CNGB3: variants seen among roughly 807,000 people sequenced by gnomAD.
The protein encoded by CNGB3 is cyclic nucleotide gated channel subunit beta 3.
Under a neutral mutation model 92.8 loss-of-function variants are expected in CNGB3, and 86 were observed. That is an observed-to-expected ratio of 0.93 (90% confidence interval 0.78 to 1.11). CNGB3 has a LOEUF of 1.11. Among genes scored for constraint, CNGB3 ranks in the 50% least tolerant of loss-of-function variants. The pLI, the probability that CNGB3 is intolerant of heterozygous loss-of-function variation, is 0.00. For missense variants in CNGB3, 1,026 were observed against 956.8 expected (o/e 1.07, Z -0.95); for synonymous variants, 333 against 332.7 (o/e 1.00, Z -0.01).
intron 3 of CNGB3, among the ~76,000 whole-genome samples, chr8:86,683,353 G>A (rs1171189847): frequency 6.6e-6 from 1 of 152,044 alleles, no homozygotes; most frequent in Non-Finnish European, 1.5e-5. Flanking sequence ...TATCCAAGCA[G>A]GTGGCTGGGT....
rs1161412336 is a variant in CNGB3, at chr8:86,676,936, C to T, written c.339-5838G>A. Among the ~76,000 whole-genome samples the T allele has an allele frequency of 3.3e-5, 5 of 152,096 alleles. No homozygotes were observed. In the East Asian group the frequency reaches 9.6e-4, roughly 29 times the overall value. ...TTTACATATAGTTAATTTATGTCTG[C>T]CGAGTCTCTCAGGTACACTGATGAT... On this transcript the variant is annotated intron_variant, in intron 3 of 17. Coordinates refer to ENST00000320005, the MANE Select transcript of CNGB3 (RefSeq NM_019098.5).
rs529197973 is a variant in CNGB3, at chr8:86,655,446, G to A, written c.853-1384C>T. Among the ~76,000 whole-genome samples the A allele has an allele frequency of 1.2e-4, 18 of 152,276 alleles. No homozygotes were observed. The Middle Eastern group carries it at 0.01, about 86-fold the overall frequency. ...CTCTGTTCAGCATTTCCTCAAATGC[G>A]TCAGAGGGATGCCTTTGCCCATGCT... On this transcript the variant is annotated intron_variant, in intron 6 of 17. Coordinates refer to ENST00000320005, the MANE Select transcript of CNGB3 (RefSeq NM_019098.5).
intron 15 of CNGB3, among the ~76,000 whole-genome samples, chr8:86,592,728 A>G (rs369929435): frequency 1.3e-5 from 2 of 152,228 alleles, no homozygotes; most frequent in East Asian, 1.9e-4. Flanking sequence ...TCTACATGCT[A>G]TCAATGGAAA....
At chr8:86,658,827 A>G (rs1011043165) in intron 6 of CNGB3, 2 of 605,098 alleles carry the variant, frequency 3.3e-6, no homozygotes, top group Admixed American at 2.4e-5. Context: ...TGCATGACTG[A>G]TGGTGGTGAG....
intron 13 of CNGB3, among the ~76,000 whole-genome samples, chr8:86,613,410 T>C (rs1822557011): frequency 1.3e-5 from 2 of 152,224 alleles, no homozygotes; most frequent in African/African-American, 4.8e-5. Flanking sequence ...AAATTGGTAT[T>C]CTGATTCATT....
chr8:86,628,633 C>G (rs1369669846), intron 12 of CNGB3, among the ~76,000 whole-genome samples: 1 of 152,024 alleles, frequency 6.6e-6, no homozygotes, highest in Non-Finnish European at 1.5e-5. Context: ...CTAATTTTCC[C>G]ACTTCCTTTT....
chr8:86,727,216 G>C (rs7000661), intron 2 of CNGB3, among the ~76,000 whole-genome samples: 13,796 of 152,128 alleles, frequency 0.091, 1,323 homozygotes, highest in African/African-American at 0.25. Context: ...TGAAGTTGGT[G>C]TATTATGTAA....
At chr8:86,737,006 T>G (rs1045463035) in intron 2 of CNGB3, among the ~76,000 whole-genome samples, 2 of 152,174 alleles carry the variant, frequency 1.3e-5, no homozygotes, top group Non-Finnish European at 2.9e-5. Context: ...ACACTTGCTT[T>G]TTTTTCCCCC....
chr8:86,732,294 C>A (rs1460367443), intron 2 of CNGB3, among the ~76,000 whole-genome samples: 1 of 152,258 alleles, frequency 6.6e-6, no homozygotes, highest in Non-Finnish European at 1.5e-5. Flanking sequence ...ATGCTGGGCA[C>A]CTAATCTCAA....
intron 6 of CNGB3, among the ~76,000 whole-genome samples, chr8:86,666,460 A>G (rs1253621705): frequency 1.3e-5 from 2 of 152,198 alleles, no homozygotes; most frequent in African/African-American, 4.8e-5. Context: ...GGCTTTGAGC[A>G]AATAACCTCC....
intron 1 of CNGB3, among the ~76,000 whole-genome samples, chr8:86,741,962 A>G (rs1825351237): frequency 6.6e-6 from 1 of 152,188 alleles, no homozygotes; most frequent in Non-Finnish European, 1.5e-5. Context: ...TTTAGCTCTC[A>G]GGTGCTGAAT....
rs374383614 is a variant in CNGB3, at chr8:86,628,900, G to A, written c.1480+19C>T. 3.3e-5 allele frequency: 54 copies of A among 1,612,790 alleles called. No homozygotes were observed. Among genetic ancestry groups the A allele is most frequent in the East Asian group, 1.1e-4 (5 of 44,868 alleles). On this transcript the variant is annotated intron_variant, in intron 12 of 17. Coordinates refer to ENST00000320005, the MANE Select transcript of CNGB3 (RefSeq NM_019098.5). ...TGACAAGGTTTACAGGAATTTAATCGGTAATCTGCCATGCTTACCTAGCAT... is the reference window on the plus strand; with the variant it reads ...TGACAAGGTTTACAGGAATTTAATCAGTAATCTGCCATGCTTACCTAGCAT...
At chr8:86,733,363 T>C (rs556335008) in intron 2 of CNGB3, among the ~76,000 whole-genome samples, 3 of 152,374 alleles carry the variant, frequency 2.0e-5, no homozygotes, top group East Asian at 3.9e-4. Flanking sequence ...CTCAGGTTGA[T>C]TTCATGTCTT....
At chr8:86,651,129 A>G (rs1171467926) in intron 7 of CNGB3, among the ~76,000 whole-genome samples, 1 of 150,876 alleles carries the variant, frequency 6.6e-6, no homozygotes, top group Non-Finnish European at 1.5e-5. Flanking sequence ...AGGCATACAG[A>G]GTGATATAAT....
At chr8:86,714,449 T>C (rs1321309161) in intron 3 of CNGB3, among the ~76,000 whole-genome samples, 2 of 152,186 alleles carry the variant, frequency 1.3e-5, no homozygotes, top group Non-Finnish European at 2.9e-5. Context: ...TACATATAGT[T>C]TGCCATATTG....
At chr8:86,659,224 C>A in intron 6 of CNGB3, 1 of 738,304 alleles carries the variant, frequency 1.4e-6, no homozygotes, top group East Asian at 2.5e-5. Context: ...ATGGCCCTCC[C>A]TCCTTTCAGA....
chr8:86,630,865 C>A (rs1445437285), intron 11 of CNGB3, among the ~76,000 whole-genome samples: 1 of 152,018 alleles, frequency 6.6e-6, no homozygotes, highest in African/African-American at 2.4e-5. Flanking sequence ...AGAGCCAGAC[C>A]CTGTCTCTTA....
chr8:86,625,975 G>A lies in CNGB3; in HGVS notation c.1578+8C>T, dbSNP rs889328504. ...GATACAGAGTCTATTAATTGTAAAAGCACTTGCCTTGAACAAGTCGACTTT... is the reference window on the plus strand; with the variant it reads ...GATACAGAGTCTATTAATTGTAAAAACACTTGCCTTGAACAAGTCGACTTT... On this transcript the variant is annotated splice_region_variant and intron_variant, in intron 13 of 17. Transcript: ENST00000320005. 1.6e-5 allele frequency: 25 copies of A among 1,606,122 alleles called. No individual in the cohort carries two copies. The highest frequency in any genetic ancestry group is 2.1e-5 in the Non-Finnish European group (25 of 1,173,222).
chr8:86,734,660 A>G (rs1020228577), intron 2 of CNGB3, among the ~76,000 whole-genome samples: 2 of 152,194 alleles, frequency 1.3e-5, no homozygotes, highest in African/African-American at 4.8e-5. Flanking sequence ...ACATTTAAAA[A>G]TTGAGATCTT....
Sources: gnomAD v4.1 joint callset for allele counts (sites outside exome capture counted in the v4.1 genomes callset) on GRCh38, gnomAD v4.1.1 for gene constraint, MANE v1.5 for transcripts, NCBI Gene and HGNC (gene_info 2026-07-23, HGNC 2026-07-21) for gene names.